The following CES3 variants were observed in gnomAD, a reference collection of about 807,000 sequenced individuals.
CES3 encodes the protein carboxylesterase 3, also known as carboxylesterase 3 (brain).
In CES3, 49 loss-of-function variants were observed where a neutral mutation model predicts 57.6. The ratio of observed to expected loss-of-function variants is 0.85; its 90% CI spans 0.68 to 1.08. The LOEUF is 1.08. CES3 is among the 50% of genes least tolerant of loss of function. The probability of loss-of-function intolerance (pLI) is 0.00; values close to 1 mark genes in which losing one functional copy is unlikely to be tolerated. For missense variants in CES3, 645 were observed against 742.0 expected (o/e 0.87, Z 1.52); for synonymous variants, 266 against 281.6 (o/e 0.94, Z 0.55).
At chr16:66,967,385 C>A in intron 8 of CES3, 1 of 503,850 alleles carries the variant, frequency 2.0e-6, no homozygotes, top group Non-Finnish European at 2.6e-6. Context: ...AAGGTTTTTG[C>A]ACAAACTGGC....
Position 66,973,058 on chromosome 16 carries a change from CT to C in CES3, c.*10del, listed in dbSNP as rs762389340. The C allele has an allele frequency of 6.2e-7, 1 of 1,610,182 alleles. No individual in the cohort carries two copies. The highest frequency in any genetic ancestry group is 8.5e-7 in the Non-Finnish European group (1 of 1,177,314). ...CCCAGGAGGACCTCTGAGGCCAGGCCTGAACCTTCTTGGCTGGGGCAAACCA... is the reference window on the plus strand; with the variant it reads ...CCCAGGAGGACCTCTGAGGCCAGGCCGAACCTTCTTGGCTGGGGCAAACCA... On this transcript the variant is annotated 3_prime_UTR_variant, in exon 13 of 13. Transcript: ENST00000303334.
At chr16:66,967,395 C>A in intron 8 of CES3, 3 of 582,454 alleles carry the variant, frequency 5.2e-6, no homozygotes, top group Non-Finnish European at 4.4e-6. Context: ...CACAAACTGG[C>A]CTTCTGGGCA....
At chr16:66,964,827 C>T in intron 6 of CES3, 100 bp downstream of exon 6, 3 of 880,664 alleles carry the variant, frequency 3.4e-6, no homozygotes, top group Non-Finnish European at 1.7e-6. Flanking sequence ...TGGCAGGGAG[C>T]TCCCTGTTAG....
chr16:66,972,940 G>C lies in CES3; in HGVS notation c.1607G>C (p.Gly536Ala). The part of the protein sequence containing the change: ...YLEINPVPRA[G>A]QKFREAWMQF... Reference sequence around the variant, plus strand: ...GAGATCAACCCAGTGCCACGGGCCGGACAGAAGTTCAGGGAGGCCTGGATG... The same window carrying C: ...GAGATCAACCCAGTGCCACGGGCCGCACAGAAGTTCAGGGAGGCCTGGATG... The change falls in exon 13 of 13, where the codon GGA (glycine) becomes GCA (alanine). Residue 536 changes from glycine (G) to alanine (A), a missense_variant. Transcript: ENST00000303334. 1 of 1,614,150 alleles carries C rather than the reference G, an allele frequency of 6.2e-7. No individual in the cohort carries two copies. Among genetic ancestry groups the C allele is most frequent in the African/African-American group, 1.3e-5 (1 of 75,048 alleles).
intron 8 of CES3, among the ~76,000 whole-genome samples, chr16:66,969,423 G>T (rs554318884): frequency 1.6e-4 from 25 of 152,242 alleles, no homozygotes; most frequent in African/African-American, 5.3e-4. Flanking sequence ...AAATGTTGAA[G>T]AAATTTTTCA....
intron 6 of CES3, 60 bp downstream of exon 6, chr16:66,964,787 GC>G: frequency 7.2e-7 from 1 of 1,397,900 alleles, no homozygotes; most frequent in Non-Finnish European, 9.8e-7. Context: ...CTCTGTGCTG[GC>G]CCTGGGGTCT....
At chr16:66,972,212 G>A (rs978697948) in intron 10 of CES3, 144 bp from the exon 11 acceptor site, 13 of 752,884 alleles carry the variant, frequency 1.7e-5, no homozygotes, top group East Asian at 5.5e-5. Flanking sequence ...CCTAGCAAGC[G>A]CTCAGTAAAT....
At chr16:66,965,964 G>A (rs1465013371) in intron 6 of CES3, among the ~76,000 whole-genome samples, 1 of 151,966 alleles carries the variant, frequency 6.6e-6, no homozygotes, top group Non-Finnish European at 1.5e-5. Context: ...AAAAGATAAT[G>A]ACACTATTCT....
intron 8 of CES3, among the ~76,000 whole-genome samples, chr16:66,968,502 C>T (rs761381523): frequency 1.3e-5 from 2 of 152,180 alleles, no homozygotes; most frequent in Non-Finnish European, 2.9e-5. Flanking sequence ...AGGCTAATAG[C>T]GCAGTGAATG....
chr16:66,961,853 C>T (rs1195118885), intron 1 of CES3, among the ~76,000 whole-genome samples: 2 of 152,086 alleles, frequency 1.3e-5, no homozygotes, highest in Non-Finnish European at 2.9e-5. Context: ...CGTGAGCCAC[C>T]GCACCTGGCC....
Position 66,972,490 on chromosome 16 carries a change from G to T in CES3, c.1426G>T (p.Glu476Ter). 1 of 1,613,254 alleles carries T rather than the reference G, an allele frequency of 6.2e-7. No homozygotes were observed. The highest frequency in any genetic ancestry group is 8.5e-7 in the Non-Finnish European group (1 of 1,179,678). The change falls in exon 11 of 13, where the codon GAG becomes TAG. Residue 476 changes from glutamate (E) to a stop codon, truncating the protein, a stop_gained. Transcript: ENST00000303334. LOFTEE classifies it high-confidence loss of function. The stretch of plus-strand genomic sequence containing the variant: ...GTTCGGAGGTCCCTTCCTCATGGAC[G>T]AGAGCTCCCGCCTGGGTGAGGACAG... ...FVFGGPFLMD[E>*]SSRLAFPEAT...
At chr16:66,967,396 C>A in intron 8 of CES3, 1 of 620,268 alleles carries the variant, frequency 1.6e-6, no homozygotes, top group Non-Finnish European at 2.0e-6. Flanking sequence ...ACAAACTGGC[C>A]TTCTGGGCAC....
At chr16:66,967,800 C>T in intron 8 of CES3, 4 of 968,092 alleles carry the variant, frequency 4.1e-6, no homozygotes, top group Non-Finnish European at 4.9e-6. Flanking sequence ...CTCGATCCAT[C>T]ATCCAGGCTG....
Position 66,966,330 on chromosome 16 carries a change from C to A in CES3, c.906C>A (p.Val302=). Residue 302 remains valine (V), a synonymous_variant, in exon 7 of 13, where the codon GTC becomes GTA. Transcript: ENST00000303334. Reference sequence around the variant, plus strand: ...AGCAGAAAGAAGGAGAAGAGCTGGTCCTTAGCAAGAAGCTGGTATGGCCAC... The same window carrying A: ...AGCAGAAAGAAGGAGAAGAGCTGGTACTTAGCAAGAAGCTGGTATGGCCAC... ...CLQQKEGEEL[V]LSKKLKNTIY... The A allele has an allele frequency of 1.2e-6, 2 of 1,613,654 alleles. No individual in the cohort carries two copies. Among genetic ancestry groups the A allele is most frequent in the South Asian group, 2.2e-5 (2 of 91,040 alleles).
rs71649620 is a variant in CES3 at position 66,974,243 on chromosome 16, C to T, written c.*1194C>T. ...AGCCCCTTTCTGGGCTGGCCAAGGC[C>T]GGAGCCAGCTCCCTCAGCTTGCGGG... On this transcript the variant is annotated 3_prime_UTR_variant, in exon 13 of 13. Coordinates refer to ENST00000303334, the MANE Select transcript of CES3 (RefSeq NM_024922.6). 0.056 allele frequency: 8,614 copies of T among 152,896 alleles called. 258 individuals carry two copies. The highest frequency in any genetic ancestry group is 0.07 in the African/African-American group (2,925 of 41,562). 9.5% of individuals were successfully genotyped at this position (152,896 alleles called of 1,614,324 possible). A position where few individuals can be genotyped will look rare whatever the true frequency, so the allele number is the denominator to read the frequency against.
intron 11 of CES3, 29 bp downstream of exon 11, chr16:66,972,534 C>T (rs759007757): frequency 6.2e-7 from 1 of 1,606,400 alleles, no homozygotes; most frequent in Non-Finnish European, 8.5e-7. Flanking sequence ...ACATGTGATC[C>T]CTAGGCTGCC....
chr16:66,963,209 C>A lies in CES3; in HGVS notation c.113C>A (p.Thr38Asn), dbSNP rs1308231006. 6.2e-7 allele frequency: 1 copy of A among 1,614,146 alleles called. No individual in the cohort carries two copies. Among genetic ancestry groups the A allele is most frequent in the Non-Finnish European group, 8.5e-7 (1 of 1,180,058 alleles). ...GPEVAQPEVD[T>N]TLGRVRGRQV... ...GAAGTTGCTCAGCCTGAAGTAGACACCACCCTGGGTCGTGTGCGAGGCCGG... is the reference window on the plus strand; with the variant it reads ...GAAGTTGCTCAGCCTGAAGTAGACAACACCCTGGGTCGTGTGCGAGGCCGG... Residue 38 changes from threonine to asparagine, a missense_variant, in exon 2 of 13, where the codon ACC becomes AAC. Transcript: ENST00000303334. This position sits in a 1 kb window ranked among gnomAD's most constrained non-coding sequence, Gnocchi z 4.9.
chr16:66,970,353 C>T (rs1963811600), intron 9 of CES3, among the ~76,000 whole-genome samples: 1 of 152,204 alleles, frequency 6.6e-6, no homozygotes, highest in African/African-American at 2.4e-5. Context: ...GGTGATTCAC[C>T]CGCCTCGGCC....
At chr16:66,966,197 G>A (rs780638499) in intron 6 of CES3, 47 bp from the exon 7 acceptor site, 2 of 1,561,180 alleles carry the variant, frequency 1.3e-6, no homozygotes, top group Admixed American at 1.7e-5. Context: ...CTGCAAGGTG[G>A]GGCTGAGTGG....
Sources: allele counts gnomAD v4.1 joint callset (sites outside exome capture counted in the v4.1 genomes callset), GRCh38; gene constraint gnomAD v4.1.1; non-coding constraint Gnocchi (gnomAD v3.1); transcripts MANE v1.5; gene names NCBI Gene and HGNC (gene_info 2026-07-23, HGNC 2026-07-21).